Variants in ITGA9 observed in about 807,000 individuals in gnomAD.
ITGA9 encodes integrin subunit alpha 9.
A neutral mutation model predicts 127.8 loss-of-function variants in ITGA9; 56 were observed. The ratio of observed to expected loss-of-function variants is 0.44; its 90% CI spans 0.35 to 0.55. The LOEUF (loss-of-function observed/expected upper bound fraction) is 0.55, where lower values mean the gene tolerates loss of function less well. Among genes scored for constraint, ITGA9 ranks in the 20% least tolerant of loss-of-function variants. The probability of loss-of-function intolerance (pLI) is 0.00; values close to 1 mark genes in which losing one functional copy is unlikely to be tolerated. For missense variants in ITGA9, 1,196 were observed against 1,347.1 expected, an observed-to-expected ratio of 0.89 and a Z score of 1.76; for synonymous variants, 508 against 514.5, an observed-to-expected ratio of 0.99 and a Z score of 0.17.
chr3:37,783,226 G>A (rs1023884347), intron 25 of ITGA9, among the ~76,000 whole-genome samples: 13 of 152,112 alleles, frequency 8.5e-5, no homozygotes, highest in Non-Finnish European at 1.6e-4. Flanking sequence ...TTCTACAACC[G>A]TGGGGGCCCA....
chr3:37,813,219 C>A (rs1226600356), intron 27 of ITGA9, among the ~76,000 whole-genome samples: 1 of 152,176 alleles, frequency 6.6e-6, no homozygotes, highest in Non-Finnish European at 1.5e-5. Flanking sequence ...ACTACAGGTG[C>A]TCCTTGACTT....
chr3:37,565,981 G>A (rs1429021381), intron 15 of ITGA9, among the ~76,000 whole-genome samples: 1 of 152,178 alleles, frequency 6.6e-6, no homozygotes, highest in Non-Finnish European at 1.5e-5. Flanking sequence ...ATCTCACTAT[G>A]TCCATGCCCA....
At chr3:37,667,358 C>G (rs925203762) in intron 17 of ITGA9, among the ~76,000 whole-genome samples, 1 of 152,178 alleles carries the variant, frequency 6.6e-6, no homozygotes, top group African/African-American at 2.4e-5. Context: ...TTATTGCACA[C>G]ATGCAGAAGG....
chr3:37,568,222 A>G (rs1250550257), intron 15 of ITGA9, among the ~76,000 whole-genome samples: 1 of 152,276 alleles, frequency 6.6e-6, no homozygotes, highest in Non-Finnish European at 1.5e-5. Flanking sequence ...CAACAGCTCA[A>G]GCTGTACCTT....
At chr3:37,750,053 C>A (rs1176846557) in intron 22 of ITGA9, among the ~76,000 whole-genome samples, 1 of 150,836 alleles carries the variant, frequency 6.6e-6, no homozygotes, top group Non-Finnish European at 1.5e-5. Context: ...CATACCCCCC[C>A]ACCAAAATGT....
intron 26 of ITGA9, among the ~76,000 whole-genome samples, chr3:37,786,505 A>G (rs1320637775): frequency 6.6e-6 from 1 of 152,172 alleles, no homozygotes; most frequent in Non-Finnish European, 1.5e-5. Context: ...AGGCAGGAGA[A>G]TCACTTGAAA....
chr3:37,472,988 C>T (rs1698449320), intron 2 of ITGA9, among the ~76,000 whole-genome samples: 1 of 151,206 alleles, frequency 6.6e-6, no homozygotes, highest in Admixed American at 6.6e-5. Context: ...AAAATATGAA[C>T]ATTAGTGGGA....
intron 13 of ITGA9, 95 bp from the exon 14 acceptor site, chr3:37,533,219 G>T: frequency 9.0e-7 from 1 of 1,114,162 alleles, no homozygotes; most frequent in Non-Finnish European, 1.4e-6. Context: ...ATGCTGGGTT[G>T]AAGGCCTAGG....
At chr3:37,662,008 G>A (rs1221230360) in intron 17 of ITGA9, among the ~76,000 whole-genome samples, 2 of 152,218 alleles carry the variant, frequency 1.3e-5, no homozygotes, top group African/African-American at 4.8e-5. Flanking sequence ...AGGAGAAAGG[G>A]AGAGAAACCA....
At chr3:37,762,506 T>G (rs2125543445) in intron 23 of ITGA9, among the ~76,000 whole-genome samples, 1 of 152,280 alleles carries the variant, frequency 6.6e-6, no homozygotes, top group East Asian at 1.9e-4. Flanking sequence ...AGGTCATAAC[T>G]CCTAGAGAGA....
At chr3:37,740,006 C>T (rs1696413549) in intron 20 of ITGA9, among the ~76,000 whole-genome samples, 1 of 152,190 alleles carries the variant, frequency 6.6e-6, no homozygotes, top group Non-Finnish European at 1.5e-5. Context: ...TGATGTCACC[C>T]CATGTAGGAA....
At chr3:37,709,147 A>C (rs1164260163) in intron 18 of ITGA9, among the ~76,000 whole-genome samples, 1 of 152,192 alleles carries the variant, frequency 6.6e-6, no homozygotes, top group Non-Finnish European at 1.5e-5. Context: ...AATTTGTTGC[A>C]AAGATTAAAT....
intron 17 of ITGA9, among the ~76,000 whole-genome samples, chr3:37,682,131 G>A (rs1575190693): frequency 6.6e-6 from 1 of 152,234 alleles, no homozygotes; most frequent in East Asian, 1.9e-4. Flanking sequence ...ACTCCCTGGA[G>A]CCCACTTCCC....
chr3:37,713,623 G>A lies in ITGA9; in HGVS notation c.2068-19089G>A, dbSNP rs532085621. Among the ~76,000 whole-genome samples, 13 of 152,312 alleles carry A rather than the reference G, an allele frequency of 8.5e-5. No homozygotes were observed. The South Asian group carries it at 2.1e-3, about 24-fold the overall frequency. On this transcript the variant is annotated intron_variant, in intron 18 of 27. Coordinates refer to ENST00000264741, the MANE Select transcript of ITGA9 (RefSeq NM_002207.3). ...CGGGAGGTACTTTCAGCACTCCCTC[G>A]TGAGATCATGGAACAGGGCAGGAAA...
intron 3 of ITGA9, among the ~76,000 whole-genome samples, chr3:37,479,863 G>A (rs1469016850): frequency 2.6e-5 from 4 of 152,140 alleles, no homozygotes; most frequent in Non-Finnish European, 5.9e-5. Context: ...ACAGAAAATG[G>A]GAATTCTAAA....
chr3:37,810,213 G>A lies in ITGA9; in HGVS notation c.3009+6271G>A, dbSNP rs76900492. Among the ~76,000 whole-genome samples, 73 of 152,296 alleles carry A rather than the reference G, an allele frequency of 4.8e-4. No homozygotes were observed. The East Asian group carries it at 0.011, about 24-fold the overall frequency. On this transcript the variant is annotated intron_variant, in intron 27 of 27. Transcript: ENST00000264741. Reference sequence around the variant, plus strand: ...TTGTTCCCAAAAGTGTTGCATAAACGTGAATCGTGACATGGTACTGAAAGC... The same window carrying A: ...TTGTTCCCAAAAGTGTTGCATAAACATGAATCGTGACATGGTACTGAAAGC...
At chr3:37,633,957 C>G (rs1008346249) in intron 16 of ITGA9, among the ~76,000 whole-genome samples, 1 of 152,068 alleles carries the variant, frequency 6.6e-6, no homozygotes, top group African/African-American at 2.4e-5. Context: ...TAGGTTGAAC[C>G]ATTATAAGTT....
chr3:37,626,508 T>A (rs756441017), intron 15 of ITGA9, among the ~76,000 whole-genome samples: 1 of 151,922 alleles, frequency 6.6e-6, no homozygotes, highest in South Asian at 2.1e-4. Flanking sequence ...AAATAAAAAA[T>A]AAATAAAAGA....
At chr3:37,692,215 T>G (rs1374989829) in intron 18 of ITGA9, among the ~76,000 whole-genome samples, 1 of 152,222 alleles carries the variant, frequency 6.6e-6, no homozygotes, top group Admixed American at 6.5e-5. Flanking sequence ...ACACATGAGC[T>G]TATACTTTAT....
Sources: allele counts gnomAD v4.1 joint callset (sites outside exome capture counted in the v4.1 genomes callset), GRCh38; gene constraint gnomAD v4.1.1; transcripts MANE v1.5; gene names NCBI Gene and HGNC (gene_info 2026-07-23, HGNC 2026-07-21).